Variants in ATP7A observed in about 807,000 individuals in gnomAD.
ATP7A encodes the protein ATPase copper transporting alpha.
In ATP7A, 7 loss-of-function variants were observed where a neutral mutation model predicts 83.5. The observed-to-expected ratio is 0.08, with a 90% CI of 0.05 to 0.16. The LOEUF (loss-of-function observed/expected upper bound fraction) is 0.16, where lower values mean the gene tolerates loss of function less well. Among genes scored for constraint, ATP7A ranks in the 10% least tolerant of loss-of-function variants. The pLI is 1.00. For missense variants in ATP7A, 940 were observed against 1,120.8 expected, an observed-to-expected ratio of 0.84 and a Z score of 2.30; for synonymous variants, 354 against 395.2, an observed-to-expected ratio of 0.90 and a Z score of 1.24.
chrX:77,970,403 G>T (rs2149073006), intron 1 of ATP7A, among the ~76,000 whole-genome samples: 1 of 112,124 alleles, frequency 8.9e-6, no homozygotes, highest in South Asian at 3.7e-4. Context: ...AGGTGTGGTG[G>T]CTCATGCCTG....
rs1603387262 is a variant in ATP7A at position 78,020,945 on chromosome X, G to C, written c.2782G>C (p.Ala928Pro). 8.3e-7 allele frequency: 1 copy of C among 1,206,068 alleles called. No individual in the cohort carries two copies. Among genetic ancestry groups the C allele is most frequent in the Non-Finnish European group, 1.1e-6 (1 of 891,228 alleles). Residue 928 changes from alanine (A) to proline (P), a missense_variant and splice_region_variant, in exon 14 of 23, where the codon GCT becomes CCT. Transcript: ENST00000341514. ...KLVEEAQTSKAPIQQFADKLS... is the reference protein window; with the variant it reads ...KLVEEAQTSKPPIQQFADKLS... ...TTATTGTTGTTATTTTTAATTCTAG[G>C]CTCCTATCCAGCAGTTTGCAGACAA...
intron 12 of ATP7A, among the ~76,000 whole-genome samples, chrX:78,019,750 C>T (rs1355143406): frequency 1.8e-5 from 2 of 110,670 alleles, no homozygotes; most frequent in Non-Finnish European, 3.8e-5. Flanking sequence ...AGGCATGAGC[C>T]GCTGTGCCCA....
chrX:77,980,529 T>C, intron 2 of ATP7A, among the ~76,000 whole-genome samples: 1 of 111,567 alleles, frequency 9.0e-6, no homozygotes, highest in Middle Eastern at 4.6e-3. Flanking sequence ...AATAAATACA[T>C]TCCTTACTCC....
chrX:77,931,056 C>A (rs1246692026), intron 1 of ATP7A, among the ~76,000 whole-genome samples: 1 of 73,453 alleles, frequency 1.4e-5, no homozygotes, highest in African/African-American at 5.7e-5. Context: ...GGGTGTTTCT[C>A]GCAGAGGGGG....
intron 1 of ATP7A, among the ~76,000 whole-genome samples, chrX:77,946,116 A>G (rs782733985): frequency 6.7e-4 from 74 of 110,416 alleles, no homozygotes; most frequent in Non-Finnish European, 1.2e-3. Flanking sequence ...CCTGGGCAAC[A>G]TAGTGAGACC....
chrX:78,029,544 A>G (rs942525727), intron 15 of ATP7A, 100 bp downstream of exon 15: 3 of 876,214 alleles, frequency 3.4e-6, no homozygotes, highest in Non-Finnish European at 1.6e-6. Context: ...TCTGTGGTCC[A>G]TGAGCTGAGC....
chrX:77,954,656 A>G (rs1485212835), intron 1 of ATP7A, among the ~76,000 whole-genome samples: 1 of 111,886 alleles, frequency 8.9e-6, no homozygotes, highest in Non-Finnish European at 1.9e-5. Context: ...TTTTGTTTTC[A>G]TTTTAGAATG....
chrX:78,041,508 C>T (rs1479011220), intron 19 of ATP7A, among the ~76,000 whole-genome samples: 1 of 109,901 alleles, frequency 9.1e-6, no homozygotes, highest in Non-Finnish European at 1.9e-5. Flanking sequence ...CTTCGGACCT[C>T]AGGTGATCCG....
chrX:77,989,899 C>T lies in ATP7A; in HGVS notation c.1277C>T (p.Thr426Ile). Residue 426 changes from threonine to isoleucine, a missense_variant, in exon 4 of 23, where the codon ACC becomes ATC. Physicochemically the swap from Thr to Ile is moderately conservative, Grantham distance 89 (BLOSUM62 -1). Transcript: ENST00000341514. ...NGTVEYDPLL[T>I]SPETLRGAIE... ...ACTGTTGAGTATGATCCTCTACTAACCTCTCCAGAAACGTTGAGAGGAGCA... is the reference window on the plus strand; with the variant it reads ...ACTGTTGAGTATGATCCTCTACTAATCTCTCCAGAAACGTTGAGAGGAGCA... 8.3e-7 allele frequency: 1 copy of T among 1,210,486 alleles called. No individual in the cohort carries two copies. Among genetic ancestry groups the T allele is most frequent in the African/African-American group, 1.7e-5 (1 of 57,887 alleles).
At chrX:77,964,006 G>A (rs1033564536) in intron 1 of ATP7A, 1 of 111,555 alleles carries the variant, frequency 9.0e-6, no homozygotes, top group Non-Finnish European at 1.9e-5. Flanking sequence ...TTTTGTTTTC[G>A]GTATTTTTAT....
intron 6 of ATP7A, among the ~76,000 whole-genome samples, chrX:78,008,727 T>A (rs928243709): frequency 9.0e-6 from 1 of 111,096 alleles, no homozygotes; most frequent in African/African-American, 3.3e-5. Flanking sequence ...GCAATTAAGA[T>A]CTTGTGTGGC....
Position 77,989,170 on chromosome X carries a change from CAG to C in ATP7A, c.611-61_611-60del, listed in dbSNP as rs1279526328. The C allele has an allele frequency of 2.5e-5, 27 of 1,073,260 alleles. No homozygotes were observed. In the East Asian group the frequency reaches 5.2e-4, roughly 20 times the overall value. The allele number at this position is 1,073,260 out of a possible 1,213,427, so 88.4% of individuals were successfully genotyped here. A position where few individuals can be genotyped will look rare whatever the true frequency, so the allele number is the denominator to read the frequency against. On this transcript the variant is annotated intron_variant, in intron 3 of 22. Coordinates refer to ENST00000341514, the MANE Select transcript of ATP7A (RefSeq NM_000052.7). Reference sequence around the variant, plus strand: ...TATTTGTGGTTATTGATTTAGAAAACAGAATGTTTTCTGAAGTAGCCCAGGAA... The same window carrying C: ...TATTTGTGGTTATTGATTTAGAAAACAATGTTTTCTGAAGTAGCCCAGGAA...
intron 1 of ATP7A, among the ~76,000 whole-genome samples, chrX:77,918,751 A>G (rs1180077820): frequency 1.8e-5 from 2 of 111,451 alleles, no homozygotes; most frequent in Non-Finnish European, 3.8e-5. Flanking sequence ...GTACAAATCT[A>G]GTGGGCAGCA....
At chrX:77,994,590 A>G (rs1441234960) in intron 4 of ATP7A, among the ~76,000 whole-genome samples, 1 of 110,191 alleles carries the variant, frequency 9.1e-6, no homozygotes, top group Non-Finnish European at 1.9e-5. Context: ...CCCAGGCCGG[A>G]GTGCAGTGGC....
At chrX:77,922,009 G>A (rs782625373) in intron 1 of ATP7A, among the ~76,000 whole-genome samples, 1 of 110,945 alleles carries the variant, frequency 9.0e-6, no homozygotes, top group African/African-American at 3.3e-5. Context: ...TGCTCAGGCT[G>A]ATCTTGAACT....
chrX:77,922,720 A>G (rs1557223246), intron 1 of ATP7A, among the ~76,000 whole-genome samples: 2 of 111,510 alleles, frequency 1.8e-5, no homozygotes, highest in Non-Finnish European at 3.8e-5. Flanking sequence ...AGCATGAAAA[A>G]AGACACAGTT....
chrX:77,920,309 G>A (rs1412277779), intron 1 of ATP7A, among the ~76,000 whole-genome samples: 1 of 107,165 alleles, frequency 9.3e-6, no homozygotes, highest in African/African-American at 3.4e-5. Flanking sequence ...TCTGCCTCTC[G>A]GGTTCATGCC....
intron 4 of ATP7A, among the ~76,000 whole-genome samples, chrX:77,990,628 C>T (rs1190130672): frequency 7.1e-5 from 8 of 112,048 alleles, no homozygotes; most frequent in Admixed American, 6.7e-4. Context: ...GACTCCAGAG[C>T]TGTCCCAAAG....
intron 1 of ATP7A, among the ~76,000 whole-genome samples, chrX:77,947,207 G>A (rs1389164985): frequency 1.8e-5 from 2 of 111,353 alleles, no homozygotes; most frequent in African/African-American, 6.5e-5. Context: ...AGTACCTAGA[G>A]TAGTTAAAAT....
Sources: allele counts gnomAD v4.1 joint callset (sites outside exome capture counted in the v4.1 genomes callset), GRCh38; gene constraint gnomAD v4.1.1; transcripts MANE v1.5; gene names NCBI Gene and HGNC (gene_info 2026-07-23, HGNC 2026-07-21).